The following GLI2 variants were observed in gnomAD, a reference collection of about 807,000 sequenced individuals.
GLI2 encodes the protein GLI family zinc finger 2.
A neutral mutation model predicts 78.9 loss-of-function variants in GLI2; 22 were observed. The ratio of observed to expected loss-of-function variants is 0.28; its 90% CI spans 0.20 to 0.40. The LOEUF (loss-of-function observed/expected upper bound fraction) is 0.40, where lower values mean the gene tolerates loss of function less well. GLI2 is among the 10% of genes least tolerant of loss of function. GLI2 has a pLI of 1.00. For synonymous variants in GLI2, 974 were observed against 963.7 expected (o/e 1.01, Z -0.20); for missense variants, 2,097 against 2,213.2 (o/e 0.95, Z 1.05).
intron 1 of GLI2, among the ~76,000 whole-genome samples, chr2:120,739,243 T>G (rs1052620667): frequency 6.6e-6 from 1 of 152,136 alleles, no homozygotes; most frequent in African/African-American, 2.4e-5. Flanking sequence ...ATTGGATATT[T>G]GCCTAATAAA....
chr2:120,816,011 C>T (rs970456707), intron 2 of GLI2, among the ~76,000 whole-genome samples: 12 of 152,146 alleles, frequency 7.9e-5, no homozygotes, highest in Admixed American at 7.2e-4. Context: ...GACCCTCCCC[C>T]TTGGAACTAT....
At chr2:120,970,265 C>G (rs1682074188) in intron 6 of GLI2, 128 bp from the exon 7 acceptor site, 1 of 648,168 alleles carries the variant, frequency 1.5e-6, no homozygotes, top group Admixed American at 2.2e-5. Flanking sequence ...GAGGAAGCCA[C>G]GGTGATGGTG....
chr2:120,922,718 G>T (rs1333138298), intron 2 of GLI2, among the ~76,000 whole-genome samples: 3 of 152,230 alleles, frequency 2.0e-5, no homozygotes, highest in African/African-American at 7.2e-5. Context: ...ACACATCACC[G>T]CCAGGACAGG....
intron 3 of GLI2, among the ~76,000 whole-genome samples, chr2:120,930,833 G>A (rs1191268028): frequency 1.3e-5 from 2 of 152,214 alleles, no homozygotes; most frequent in African/African-American, 2.4e-5. Context: ...TGGGAGCCCT[G>A]GGCTGGGAAG....
intron 8 of GLI2, among the ~76,000 whole-genome samples, chr2:120,974,352 A>G (rs1682342448): frequency 6.6e-6 from 1 of 152,116 alleles, no homozygotes; most frequent in Non-Finnish European, 1.5e-5. Context: ...CTTGTGGGTT[A>G]ATTCTCAGTC....
intron 5 of GLI2, among the ~76,000 whole-genome samples, chr2:120,956,765 G>A (rs1388358092): frequency 6.6e-6 from 1 of 152,104 alleles, no homozygotes; most frequent in East Asian, 1.9e-4. Flanking sequence ...GTGCCTGCAG[G>A]GCCGTGCAGC....
rs1684029771 is a variant in GLI2 at position 120,787,476 on chromosome 2, T to TAA, written c.-30-9815_-30-9814insAA. 4.6e-5 allele frequency among the ~76,000 whole-genome samples: 7 copies of TAA among 152,176 alleles called. No homozygotes were observed. The South Asian group carries it at 1.5e-3, about 32-fold the overall frequency. On this transcript the variant is annotated intron_variant, in intron 1 of 13. Coordinates refer to ENST00000361492, the MANE Select transcript of GLI2 (RefSeq NM_001374353.1). ...GGGCCTTGGCATGGGTCTGGGTGCC[T>TAA]GTGGCTCCCGTGTGCCAGGCTACTG...
intron 2 of GLI2, among the ~76,000 whole-genome samples, chr2:120,898,177 A>AACACACACACACACACACACAC (rs55794893): frequency 5.0e-5 from 7 of 140,312 alleles, no homozygotes; most frequent in African/African-American, 1.1e-4. Context: ...TATAGATTAA[A>AACACACACACACACACACACAC]ACACACACAC....
chr2:120,886,232 TTTTTG>T (rs147636277), intron 2 of GLI2, among the ~76,000 whole-genome samples: 9,532 of 142,848 alleles, frequency 0.067, 413 homozygotes, highest in Non-Finnish European at 0.086. Flanking sequence ...TGGTTTTGGG[TTTTTG>T]TTTTGTTTTG....
At chr2:120,775,750 G>C (rs1683657883) in intron 1 of GLI2, among the ~76,000 whole-genome samples, 1 of 152,230 alleles carries the variant, frequency 6.6e-6, no homozygotes, top group Non-Finnish European at 1.5e-5. Context: ...TGGAACATGA[G>C]GGTGGGCATG....
Position 120,930,864 on chromosome 2 carries a change from C to T in GLI2, c.254+3398C>T, listed in dbSNP as rs1679915273. On this transcript the variant is annotated intron_variant, in intron 3 of 13. Transcript: ENST00000361492. ...GGAAGGGGCCTGGGTCTTCACCAGG[C>T]TTTGCCATGCTCCAGCTCTGGGTAG... 2.0e-5 allele frequency among the ~76,000 whole-genome samples: 3 copies of T among 152,240 alleles called. No homozygotes were observed. The South Asian group carries it at 6.2e-4, about 32-fold the overall frequency.
At chr2:120,954,863 G>A (rs565980883) in intron 4 of GLI2, among the ~76,000 whole-genome samples, 12 of 152,280 alleles carry the variant, frequency 7.9e-5, no homozygotes, top group South Asian at 4.2e-4. Context: ...GCCGCGTGCC[G>A]CTGAAGTGCC....
At chr2:120,931,184 G>A (rs1679928939) in intron 3 of GLI2, among the ~76,000 whole-genome samples, 1 of 152,244 alleles carries the variant, frequency 6.6e-6, no homozygotes, top group Non-Finnish European at 1.5e-5. Context: ...AAATCAAGGA[G>A]TTGGCAGGGC....
intron 2 of GLI2, among the ~76,000 whole-genome samples, chr2:120,875,886 C>T (rs1041718531): frequency 7.9e-5 from 12 of 152,156 alleles, no homozygotes; most frequent in South Asian, 2.1e-4. Context: ...TGGGACAGAA[C>T]GGAGGGGCCA....
chr2:120,832,737 G>T (rs779880740), intron 2 of GLI2, among the ~76,000 whole-genome samples: 1 of 152,130 alleles, frequency 6.6e-6, no homozygotes, highest in Non-Finnish European at 1.5e-5. Flanking sequence ...CTCTTTCCCT[G>T]CAGGCTGTGT....
chr2:120,779,965 G>A (rs749825941), intron 1 of GLI2, among the ~76,000 whole-genome samples: 2 of 152,212 alleles, frequency 1.3e-5, no homozygotes, highest in Non-Finnish European at 2.9e-5. Flanking sequence ...TTGTGTTTAG[G>A]CAAATGGGGA....
At position 120,975,012 on chromosome 2, in the gene GLI2, A is replaced by G; in HGVS notation, c.1220A>G (p.Asp407Gly). The change falls in exon 9 of 14, where the codon GAT (aspartate) becomes GGT (glycine). Residue 407 changes from aspartate (D) to glycine (G), a missense_variant. Around this residue, in one of 5 missense-constraint regions of GLI2, gnomAD observed 578 missense variants for 612.0 expected, o/e 0.94. Coordinates refer to ENST00000361492, the MANE Select transcript of GLI2 (RefSeq NM_001374353.1). ...GACCTCAAGGAAGATCTGGACAGGG[A>G]TGACTGTAAGCAGGAGGCTGAGGTG... ...LADLKEDLDR[D>G]DCKQEAEVVI... 6.2e-7 allele frequency: 1 copy of G among 1,614,164 alleles called. No homozygotes were observed. The highest frequency in any genetic ancestry group is 8.5e-7 in the Non-Finnish European group (1 of 1,180,032).
At chr2:120,983,948 T>G (rs62152035) in intron 11 of GLI2, among the ~76,000 whole-genome samples, 81 of 11,292 alleles carry the variant, frequency 7.2e-3, no homozygotes, top group East Asian at 0.032. Context: ...GTGTGTGGGG[T>G]GTGTGTGTGT....
intron 2 of GLI2, among the ~76,000 whole-genome samples, chr2:120,881,629 A>C (rs866600745): frequency 2.3e-4 from 14 of 60,880 alleles, no homozygotes; most frequent in Non-Finnish European, 9.2e-5. Context: ...CAGGTGGGGG[A>C]GGACAGTGCA....
Sources: gnomAD v4.1 joint callset for allele counts (sites outside exome capture counted in the v4.1 genomes callset) on GRCh38, gnomAD v4.1.1 for gene constraint, gnomAD v4.1.1 regional missense constraint, MANE v1.5 for transcripts, NCBI Gene and HGNC (gene_info 2026-07-23, HGNC 2026-07-21) for gene names.